Variants in SOX10 observed in about 807,000 individuals in gnomAD.
The protein encoded by SOX10 is SRY-box transcription factor 10.
SOX10 carries 3 observed loss-of-function variants against 35.0 expected under a neutral mutation model. The observed-to-expected ratio is 0.09, with a 90% CI of 0.04 to 0.22. The LOEUF is 0.22. Ranked by LOEUF, SOX10 falls within the 10% of genes least tolerant of loss-of-function variation. The probability of loss-of-function intolerance (pLI) is 1.00; values close to 1 mark genes in which losing one functional copy is unlikely to be tolerated. For missense variants in SOX10, 436 were observed against 655.1 expected, an observed-to-expected ratio of 0.67 and a Z score of 3.65; for synonymous variants, 285 against 291.0, an observed-to-expected ratio of 0.98 and a Z score of 0.21.
At position 37,984,160 on chromosome 22, in the gene SOX10, C is replaced by T; in HGVS notation, c.-85+179G>A. Reference sequence around the variant, plus strand: ...AAAAAAACGGAGCCTTTATTTTGCTCTAATCCCGGCCCCTGGAATTTCCCA... The same window carrying T: ...AAAAAAACGGAGCCTTTATTTTGCTTTAATCCCGGCCCCTGGAATTTCCCA... On this transcript the variant is annotated intron_variant, in intron 1 of 3. Transcript: ENST00000396884. This position sits in a 1 kb window ranked among gnomAD's most constrained non-coding sequence, Gnocchi z 4.4. 1 of 165,606 alleles carries T rather than the reference C, an allele frequency of 6.0e-6. No homozygotes were observed. Among genetic ancestry groups the T allele is most frequent in the South Asian group, 1.9e-4 (1 of 5,160 alleles). 10.3% of individuals were successfully genotyped at this position (165,606 alleles called of 1,614,324 possible).
chr22:37,975,651 G>T (rs1054683008), intron 3 of SOX10, among the ~76,000 whole-genome samples: 5 of 152,208 alleles, frequency 3.3e-5, no homozygotes, highest in Non-Finnish European at 7.3e-5. Flanking sequence ...GCCAAGTCCT[G>T]CATTGGCCAA....
At position 37,975,785 on chromosome 22, in the gene SOX10, G is replaced by C. The variant is rs2145764511; in HGVS notation, c.698-1587C>G. Among the ~76,000 whole-genome samples, 2 of 152,230 alleles carry C rather than the reference G, an allele frequency of 1.3e-5. 1 individual carries two copies. Reference sequence around the variant, plus strand: ...AATAGAGATTGTACCAAGCAGCCCAGGCATTGCCTCTTTCTGGAAGCCTTC... The same window carrying C: ...AATAGAGATTGTACCAAGCAGCCCACGCATTGCCTCTTTCTGGAAGCCTTC... On this transcript the variant is annotated intron_variant, in intron 3 of 3. Transcript: ENST00000396884.
At position 37,983,329 on chromosome 22, in the gene SOX10, CGAGCCCGG is replaced by C; in HGVS notation, c.428+20_428+27del. The C allele has an allele frequency of 6.3e-7, 1 of 1,589,198 alleles. No homozygotes were observed. The highest frequency in any genetic ancestry group is 8.6e-7 in the Non-Finnish European group (1 of 1,169,508). On this transcript the variant is annotated intron_variant, in intron 2 of 3. Transcript: ENST00000396884. The surrounding 1 kb of genome is among the most constrained non-coding windows in gnomAD (Gnocchi z 9.5). ...TGAATCCACCCGAAGCTAGAGGGCCCGAGCCCGGGGGGCGGTCGGGTGCTCACCTCCAG... is the reference window on the plus strand; with the variant it reads ...TGAATCCACCCGAAGCTAGAGGGCCCGGGGCGGTCGGGTGCTCACCTCCAG...
intron 3 of SOX10, among the ~76,000 whole-genome samples, chr22:37,976,163 C>G (rs1352919894): frequency 6.6e-6 from 1 of 152,190 alleles, no homozygotes; most frequent in Non-Finnish European, 1.5e-5. Context: ...GCAGACGTTG[C>G]AGTGAACCAA....
At chr22:37,982,660 G>A (rs549023957) in intron 2 of SOX10, among the ~76,000 whole-genome samples, 30 of 152,198 alleles carry the variant, frequency 2.0e-4, no homozygotes, top group Middle Eastern at 3.4e-3. Context: ...GGAAGATGGC[G>A]CCGAACTGGG....
intron 2 of SOX10, among the ~76,000 whole-genome samples, chr22:37,981,710 C>T (rs375237207): frequency 6.6e-6 from 1 of 152,150 alleles, no homozygotes; most frequent in Admixed American, 6.5e-5. Flanking sequence ...GCTCTTTGTC[C>T]CCTGGCACTA....
At chr22:37,977,837 C>T (rs1445995339) in intron 3 of SOX10, 30 bp downstream of exon 3, 5 of 1,594,076 alleles carry the variant, frequency 3.1e-6, no homozygotes, top group Non-Finnish European at 4.3e-6. Flanking sequence ...CTGGCCTTGC[C>T]CCACCCTCAG....
At position 37,984,522 on chromosome 22, in the gene SOX10, C is replaced by T. The variant is rs1005840658; in HGVS notation, c.-268G>A. On this transcript the variant is annotated 5_prime_UTR_variant, in exon 1 of 4. Transcript: ENST00000396884. The surrounding 1 kb of genome is among the most constrained non-coding windows in gnomAD (Gnocchi z 4.4). ...AGCCTGAATCCTTACCACCAACCACCCTGGCCGGACAGCCCGAGACTGACT... is the reference window on the plus strand; with the variant it reads ...AGCCTGAATCCTTACCACCAACCACTCTGGCCGGACAGCCCGAGACTGACT... The T allele has an allele frequency of 6.5e-6, 1 of 152,720 alleles. No individual in the cohort carries two copies. Among genetic ancestry groups the T allele is most frequent in the Non-Finnish European group, 1.5e-5 (1 of 68,174 alleles). 9.5% of individuals were successfully genotyped at this position (152,720 alleles called of 1,614,324 possible).
rs1391933360 is a variant in SOX10 at position 37,974,518 on chromosome 22, A to G, written c.698-320T>C. Among the ~76,000 whole-genome samples, 25 of 151,738 alleles carry G rather than the reference A, an allele frequency of 1.6e-4. No homozygotes were observed. The highest frequency in any genetic ancestry group is 1.6e-3 in the Admixed American group (25 of 15,248). On this transcript the variant is annotated intron_variant, in intron 3 of 3. Coordinates refer to ENST00000396884, the MANE Select transcript of SOX10 (RefSeq NM_006941.4). This position sits in a 1 kb window ranked among gnomAD's most constrained non-coding sequence, Gnocchi z 5.4. ...CAAGCGCCCACCACAATGCCCAGCTAATTTGTGTATTTTTAGTAGAGACGG... is the reference window on the plus strand; with the variant it reads ...CAAGCGCCCACCACAATGCCCAGCTGATTTGTGTATTTTTAGTAGAGACGG...
intron 3 of SOX10, among the ~76,000 whole-genome samples, chr22:37,976,803 A>G (rs1382686669): frequency 2.0e-5 from 3 of 152,208 alleles, no homozygotes; most frequent in Non-Finnish European, 2.9e-5. Context: ...TAGCTGCTCA[A>G]TTAAGGTTAG....
At position 37,983,668 on chromosome 22, in the gene SOX10, TCCG is replaced by T. The variant is rs759284353; in HGVS notation, c.114_116del (p.Gly39del). 21 of 1,579,134 alleles carry T rather than the reference TCCG, an allele frequency of 1.3e-5. No individual in the cohort carries two copies. Among genetic ancestry groups the T allele is most frequent in the East Asian group, 4.6e-5 (2 of 43,576 alleles). On this transcript the variant is annotated inframe_deletion, in exon 2 of 4. Transcript: ENST00000396884. The surrounding 1 kb of genome is among the most constrained non-coding windows in gnomAD (Gnocchi z 9.5). Reference sequence around the variant, plus strand: ...GCCCCGGGCTGGCTCGCAGGCCCGATCCGCCGCCGCCGCCGTCGGGCCCTAGCG... The same window carrying T: ...GCCCCGGGCTGGCTCGCAGGCCCGATCCGCCGCCGCCGTCGGGCCCTAGCG...
rs1032461750 is a variant in SOX10 at position 37,980,064 on chromosome 22, G to A, written c.429-1929C>T. On this transcript the variant is annotated intron_variant, in intron 2 of 3. Coordinates refer to ENST00000396884, the MANE Select transcript of SOX10 (RefSeq NM_006941.4). The surrounding 1 kb of genome is among the most constrained non-coding windows in gnomAD (Gnocchi z 4.1). ...TGTCTACTCCCCCCACCCCGGCCCTGAGCCCAGCCCTAGCCCCAGCTTTCT... is the reference window on the plus strand; with the variant it reads ...TGTCTACTCCCCCCACCCCGGCCCTAAGCCCAGCCCTAGCCCCAGCTTTCT... Among the ~76,000 whole-genome samples the A allele has an allele frequency of 6.6e-6, 1 of 152,118 alleles. No individual in the cohort carries two copies. Among genetic ancestry groups the A allele is most frequent in the African/African-American group, 2.4e-5 (1 of 41,430 alleles).
Position 37,973,186 on chromosome 22 carries a change from C to G in SOX10, c.*309G>C. The G allele has an allele frequency of 2.8e-6, 1 of 351,010 alleles. No individual in the cohort carries two copies. Among genetic ancestry groups the G allele is most frequent in the East Asian group, 4.5e-5 (1 of 22,220 alleles). The allele number at this position is 351,010 out of a possible 1,614,324, so 21.7% of individuals were successfully genotyped here. On this transcript the variant is annotated 3_prime_UTR_variant, in exon 4 of 4. Coordinates refer to ENST00000396884, the MANE Select transcript of SOX10 (RefSeq NM_006941.4). ...CCCTCCCCGAGGAGGGTGAGCAGGC[C>G]CTTCTCAGGTCCTGGGATAGAGGGT...
Position 37,981,989 on chromosome 22 carries a change from C to T in SOX10, c.428+1368G>A, listed in dbSNP as rs1932412095. Among the ~76,000 whole-genome samples, 3 of 152,316 alleles carry T rather than the reference C, an allele frequency of 2.0e-5. No homozygotes were observed. The South Asian group carries it at 6.2e-4, about 32-fold the overall frequency. On this transcript the variant is annotated intron_variant, in intron 2 of 3. Coordinates refer to ENST00000396884, the MANE Select transcript of SOX10 (RefSeq NM_006941.4). Reference sequence around the variant, plus strand: ...TGGTCTCTTGGAGATCCTCCTGCACCTTCTACCACTCTAAGCCTCTAGACC... The same window carrying T: ...TGGTCTCTTGGAGATCCTCCTGCACTTTCTACCACTCTAAGCCTCTAGACC...
Position 37,983,827 on chromosome 22 carries a change from C to T in SOX10, c.-43G>A, listed in dbSNP as rs985352686. The T allele has an allele frequency of 4.4e-6, 6 of 1,363,030 alleles. No homozygotes were observed. The highest frequency in any genetic ancestry group is 3.1e-5 in the African/African-American group (2 of 63,638). 84.4% of individuals were successfully genotyped at this position (1,363,030 alleles called of 1,614,324 possible). A position where few individuals can be genotyped will look rare whatever the true frequency, so the allele number is the denominator to read the frequency against. The stretch of plus-strand genomic sequence containing the variant: ...CCGCCGCCGCCTCGGCCGCCTCCCC[C>T]GGGCCAGCCGCCGGGGTCCTCGCAA... On this transcript the variant is annotated 5_prime_UTR_variant, in exon 2 of 4. Transcript: ENST00000396884. This position sits in a 1 kb window ranked among gnomAD's most constrained non-coding sequence, Gnocchi z 9.5.
rs2145773436 is a variant in SOX10 at position 37,980,884 on chromosome 22, C to A, written c.428+2473G>T. Among the ~76,000 whole-genome samples, 1 of 152,348 alleles carries A rather than the reference C, an allele frequency of 6.6e-6. No individual in the cohort carries two copies. The highest frequency in any genetic ancestry group is 2.1e-4 in the South Asian group (1 of 4,830). On this transcript the variant is annotated intron_variant, in intron 2 of 3. Coordinates refer to ENST00000396884, the MANE Select transcript of SOX10 (RefSeq NM_006941.4). The surrounding 1 kb of genome is among the most constrained non-coding windows in gnomAD (Gnocchi z 4.1). ...TAAGAAGACTACTTGGGGAAGGGGC[C>A]TGTGGCACTGGGAACAGAGGCTGGG...
rs955360811 is a variant in SOX10, at chr22:37,973,365, C to G, written c.*130G>C. ...GGGCAGTGAGCCAGACAGAAAGCCC[C>G]CCGACCTGTCAGCCTCTTCAGCCTC... is the stretch of plus-strand genomic sequence containing the variant. On this transcript the variant is annotated 3_prime_UTR_variant, in exon 4 of 4. Coordinates refer to ENST00000396884, the MANE Select transcript of SOX10 (RefSeq NM_006941.4). 16 of 660,958 alleles carry G rather than the reference C, an allele frequency of 2.4e-5. No homozygotes were observed. Among genetic ancestry groups the G allele is most frequent in the Non-Finnish European group, 3.8e-5 (15 of 393,304 alleles). 40.9% of individuals were successfully genotyped at this position (660,958 alleles called of 1,614,324 possible).
chr22:37,974,281 C>T lies in SOX10; in HGVS notation c.698-83G>A, dbSNP rs1474238194. The T allele has an allele frequency of 1.9e-6, 2 of 1,038,660 alleles. No homozygotes were observed. The highest frequency in any genetic ancestry group is 2.9e-6 in the Non-Finnish European group (2 of 697,578). The allele number at this position is 1,038,660 out of a possible 1,614,324, so 64.3% of individuals were successfully genotyped here. A position where few individuals can be genotyped will look rare whatever the true frequency, so the allele number is the denominator to read the frequency against. On this transcript the variant is annotated intron_variant, in intron 3 of 3. Transcript: ENST00000396884. This position sits in a 1 kb window ranked among gnomAD's most constrained non-coding sequence, Gnocchi z 5.4. The stretch of plus-strand genomic sequence containing the variant: ...TGGGCGCACGTGAACTTCCATGGTT[C>T]ACCTTCAGGCAGCGGGTGCCTCTGG...
In SOX10 at chr22:37,974,134, T is replaced by C; in HGVS notation, c.762A>G (p.Ala254=). The C allele has an allele frequency of 6.2e-7, 1 of 1,609,542 alleles. No homozygotes were observed. Residue 254 remains alanine, a synonymous_variant, in exon 4 of 4, where the codon GCA becomes GCG. Coordinates refer to ENST00000396884, the MANE Select transcript of SOX10 (RefSeq NM_006941.4). This position sits in a 1 kb window ranked among gnomAD's most constrained non-coding sequence, Gnocchi z 5.4. The part of the protein sequence containing the change: ...TPKTELQSGK[A]DPKRDGRSMG... Reference sequence around the variant, plus strand: ...TGGAGCGCCCGTCCCGCTTCGGGTCTGCCTTGCCCGACTGCAGCTCTGTCT... The same window carrying C: ...TGGAGCGCCCGTCCCGCTTCGGGTCCGCCTTGCCCGACTGCAGCTCTGTCT...
Sources: gnomAD v4.1 joint callset for allele counts (sites outside exome capture counted in the v4.1 genomes callset) on GRCh38, gnomAD v4.1.1 for gene constraint, Gnocchi (gnomAD v3.1) non-coding constraint, MANE v1.5 for transcripts, NCBI Gene and HGNC (gene_info 2026-07-23, HGNC 2026-07-21) for gene names.